RIN3: variants seen among roughly 807,000 people sequenced by gnomAD.
RIN3 encodes Ras and Rab interactor 3, also known as RAB5 interacting protein 3.
In RIN3, 54 loss-of-function variants were observed where a neutral mutation model predicts 76.3. That is an observed-to-expected ratio of 0.71 (90% CI 0.57 to 0.89). RIN3 has a LOEUF of 0.89. RIN3 is among the 40% of genes least tolerant of loss of function. The pLI, the probability that RIN3 is intolerant of heterozygous loss-of-function variation, is 0.00. For missense variants in RIN3, 1,256 were observed against 1,322.1 expected (o/e 0.95, Z 0.78); for synonymous variants, 576 against 564.0 (o/e 1.02, Z -0.30).
chr14:92,651,994 C>G lies in RIN3; in HGVS notation c.945C>G (p.Pro315=), dbSNP rs758288600. Residue 315 remains proline, a synonymous_variant, in exon 6 of 10, where the codon CCC becomes CCG. Coordinates refer to ENST00000216487, the MANE Select transcript of RIN3 (RefSeq NM_024832.5). ...CTGCCTGTCCTTTGCCCACCTCTCC[C>G]CCAGTGCCTGCCCCCCACGTCACAC... ...PAPACPLPTS[P]PVPAPHVTPH... 1.4e-5 allele frequency: 22 copies of G among 1,541,918 alleles called. No individual in the cohort carries two copies. The highest frequency in any genetic ancestry group is 1.1e-4 in the South Asian group (10 of 88,002).
rs373178052 is a variant in RIN3 at position 92,577,476 on chromosome 14, G to A, written c.366G>A (p.Ser122=). 38 of 1,596,844 alleles carry A rather than the reference G, an allele frequency of 2.4e-5. No individual in the cohort carries two copies. The African/African-American group carries it at 3.9e-4, about 16-fold the overall frequency. ...AATACACCATTAAGGAAGAAAAGTC[G>A]AGTAAGTACCCATCTTCTCTGTTTT... ...VLEYTIKEEK[S]ILYLEGSALV... The change falls in exon 3 of 10, where the codon TCG becomes TCA. Residue 122 remains serine (S), a splice_region_variant and synonymous_variant. Transcript: ENST00000216487.
intron 2 of RIN3, among the ~76,000 whole-genome samples, chr14:92,573,187 G>T (rs1371979214): frequency 6.6e-6 from 1 of 152,054 alleles, no homozygotes; most frequent in Non-Finnish European, 1.5e-5. Context: ...CGGCCAAAAG[G>T]GTGACTTTTT....
intron 1 of RIN3, among the ~76,000 whole-genome samples, chr14:92,527,018 C>T (rs1896751104): frequency 6.7e-6 from 1 of 149,632 alleles, no homozygotes; most frequent in South Asian, 2.2e-4. Flanking sequence ...GCTGTGTTCT[C>T]TCTGTGTCTG....
At chr14:92,563,435 C>A (rs1015785482) in intron 2 of RIN3, among the ~76,000 whole-genome samples, 1 of 152,134 alleles carries the variant, frequency 6.6e-6, no homozygotes, top group African/African-American at 2.4e-5. Flanking sequence ...AAGGCACAAT[C>A]ATCAATTATT....
At chr14:92,674,814 G>C (rs571584557) in intron 7 of RIN3, among the ~76,000 whole-genome samples, 2 of 151,598 alleles carry the variant, frequency 1.3e-5, no homozygotes, top group East Asian at 3.9e-4. Context: ...ACTTGAACCC[G>C]TGAGGCGGAG....
chr14:92,602,092 T>G (rs1207701831), intron 3 of RIN3, among the ~76,000 whole-genome samples: 1 of 152,156 alleles, frequency 6.6e-6, no homozygotes, highest in Non-Finnish European at 1.5e-5. Flanking sequence ...CTGTGAAGCA[T>G]GCGAGATGGT....
intron 1 of RIN3, among the ~76,000 whole-genome samples, chr14:92,536,903 C>T (rs985988672): frequency 6.6e-6 from 1 of 151,998 alleles, no homozygotes; most frequent in Admixed American, 6.6e-5. Flanking sequence ...TAAATTGGTT[C>T]ATGTATGTTA....
intron 3 of RIN3, among the ~76,000 whole-genome samples, chr14:92,604,232 C>T (rs1885447120): frequency 6.6e-6 from 1 of 152,236 alleles, no homozygotes; most frequent in African/African-American, 2.4e-5. Flanking sequence ...GCAGGCGCCC[C>T]CCCTCCCACT....
rs1447891893 is a variant in RIN3, at chr14:92,651,899, C to T, written c.850C>T (p.Pro284Ser). ...GGCCCCACGCCGCCCACCACCCCCT[C>T]CCCCAGTGCTGCCCCTGCAGCCCTG... ...RWAPRRPPPP[P>S]PVLPLQPCSP... Residue 284 changes from proline to serine, a missense_variant, in exon 6 of 10, where the codon CCC becomes TCC. Transcript: ENST00000216487. The T allele has an allele frequency of 1.3e-6, 2 of 1,584,826 alleles. No individual in the cohort carries two copies. The highest frequency in any genetic ancestry group is 1.7e-6 in the Non-Finnish European group (2 of 1,164,970).
intron 3 of RIN3, among the ~76,000 whole-genome samples, chr14:92,589,652 G>T (rs1010778989): frequency 7.9e-5 from 12 of 152,280 alleles, no homozygotes; most frequent in East Asian, 3.9e-4. Context: ...TGTGAAATGG[G>T]CTCATAATCA....
chr14:92,620,202 T>C (rs1886122589), intron 4 of RIN3, among the ~76,000 whole-genome samples: 1 of 152,232 alleles, frequency 6.6e-6, no homozygotes, highest in Admixed American at 6.5e-5. Context: ...AGAGACTGAC[T>C]AGTAAGAAAC....
At chr14:92,543,882 A>G (rs905442762) in intron 1 of RIN3, among the ~76,000 whole-genome samples, 1 of 151,916 alleles carries the variant, frequency 6.6e-6, no homozygotes, top group African/African-American at 2.4e-5. Flanking sequence ...AGATACTCCA[A>G]CAGGTATCTC....
At chr14:92,618,806 A>G (rs1473209163) in intron 4 of RIN3, among the ~76,000 whole-genome samples, 1 of 152,198 alleles carries the variant, frequency 6.6e-6, no homozygotes, top group East Asian at 1.9e-4. Context: ...TTCAATTTGG[A>G]TCATTTTATT....
At chr14:92,540,479 CTGGAAAT>C (rs1461878516) in intron 1 of RIN3, among the ~76,000 whole-genome samples, 1 of 152,238 alleles carries the variant, frequency 6.6e-6, no homozygotes, top group Admixed American at 6.5e-5. Flanking sequence ...TATTTAGCCC[CTGGAAAT>C]AGGCTGGAGG....
intron 4 of RIN3, among the ~76,000 whole-genome samples, chr14:92,625,494 GC>G (rs1419352682): frequency 6.6e-6 from 1 of 152,146 alleles, no homozygotes; most frequent in Non-Finnish European, 1.5e-5. Flanking sequence ...ATTAGCTGTT[GC>G]GGGGAGGGGA....
intron 1 of RIN3, among the ~76,000 whole-genome samples, chr14:92,552,252 CTCAG>C (rs1897447613): frequency 1.3e-5 from 2 of 152,334 alleles, no homozygotes; most frequent in Admixed American, 6.5e-5. Flanking sequence ...AGAGTTTCCA[CTCAG>C]TCAGTCACCC....
intron 1 of RIN3, among the ~76,000 whole-genome samples, chr14:92,534,967 T>C (rs564051457): frequency 9.8e-5 from 15 of 152,316 alleles, no homozygotes; most frequent in South Asian, 4.2e-4. Flanking sequence ...CAGGATGAAT[T>C]GCCACAGTTG....
At chr14:92,552,055 G>A (rs908704984) in intron 1 of RIN3, among the ~76,000 whole-genome samples, 6 of 152,180 alleles carry the variant, frequency 3.9e-5, no homozygotes, top group African/African-American at 1.4e-4. Context: ...GTTGGGTGAT[G>A]GAGTGGAGCC....
chr14:92,688,025 G>T lies in RIN3; in HGVS notation c.2731G>T (p.Glu911Ter). 5 of 1,590,438 alleles carry T rather than the reference G, an allele frequency of 3.1e-6. No individual in the cohort carries two copies. The highest frequency in any genetic ancestry group is 4.3e-6 in the Non-Finnish European group (5 of 1,170,000). Reference protein sequence around the residue: ...QAQALCAQCAEKFAVERPQAH... With the variant: ...QAQALCAQCA ...CCAGGCGCTGTGCGCGCAGTGCGCG[G>T]AGAAGTTCGCGGTGGAGCGGCCGCA... Residue 911 changes from glutamate to a stop codon, truncating the protein, a stop_gained, in exon 10 of 10, where the codon GAG (glutamate) becomes TAG (stop). Coordinates refer to ENST00000216487, the MANE Select transcript of RIN3 (RefSeq NM_024832.5). LOFTEE classifies it high-confidence loss of function.
Sources: allele counts gnomAD v4.1 joint callset (sites outside exome capture counted in the v4.1 genomes callset), GRCh38; gene constraint gnomAD v4.1.1; transcripts MANE v1.5; gene names NCBI Gene and HGNC (gene_info 2026-07-23, HGNC 2026-07-21).